SLC39A12: variants seen among roughly 807,000 people sequenced by gnomAD.
SLC39A12 encodes solute carrier family 39 member 12.
Under a neutral mutation model 71.1 loss-of-function variants are expected in SLC39A12, and 63 were observed. That is an observed-to-expected ratio of 0.89 (90% CI 0.72 to 1.09). The LOEUF is 1.09. Among genes scored for constraint, SLC39A12 ranks in the 50% least tolerant of loss-of-function variants. The probability of loss-of-function intolerance (pLI) is 0.00; values close to 1 mark genes in which losing one functional copy is unlikely to be tolerated. For synonymous variants in SLC39A12, 351 were observed against 301.3 expected (o/e 1.16, Z -1.71); for missense variants, 892 against 812.6 (o/e 1.10, Z -1.19).
At chr10:17,984,472 A>G (rs1352093740) in intron 6 of SLC39A12, among the ~76,000 whole-genome samples, 1 of 152,234 alleles carries the variant, frequency 6.6e-6, no homozygotes, top group African/African-American at 2.4e-5. Flanking sequence ...TACCACTTCT[A>G]AAATGGGACA....
At chr10:17,972,814 G>A (rs969604352) in intron 4 of SLC39A12, among the ~76,000 whole-genome samples, 2 of 151,794 alleles carry the variant, frequency 1.3e-5, no homozygotes, top group Non-Finnish European at 2.9e-5. Flanking sequence ...CTTTTGATTG[G>A]AGAGTTTAGT....
rs1835257567 is a variant in SLC39A12, at chr10:17,981,499, T to C, written c.1096+16T>C. The C allele has an allele frequency of 1.9e-6, 3 of 1,591,290 alleles. No homozygotes were observed. The highest frequency in any genetic ancestry group is 1.3e-5 in the African/African-American group (1 of 74,334). ...ACTCTGGAGAGTAAGTTCTGGATCTTCCTTCAGAAAGCTGATGTGCACAAT... is the reference window on the plus strand; with the variant it reads ...ACTCTGGAGAGTAAGTTCTGGATCTCCCTTCAGAAAGCTGATGTGCACAAT... On this transcript the variant is annotated intron_variant, in intron 6 of 12. Transcript: ENST00000377369.
intron 2 of SLC39A12, among the ~76,000 whole-genome samples, chr10:17,960,854 T>C (rs1273786302): frequency 6.6e-6 from 1 of 152,218 alleles, no homozygotes; most frequent in African/African-American, 2.4e-5. Flanking sequence ...TATCTTAATT[T>C]TTAAAAATTT....
chr10:17,976,609 G>A (rs1812269030), intron 4 of SLC39A12, among the ~76,000 whole-genome samples: 2 of 152,046 alleles, frequency 1.3e-5, no homozygotes, highest in African/African-American at 4.8e-5. Context: ...TTTTTTTGTA[G>A]AGAAGTGGTT....
At chr10:18,022,277 A>G (rs1836553855) in intron 12 of SLC39A12, among the ~76,000 whole-genome samples, 1 of 151,170 alleles carries the variant, frequency 6.6e-6, no homozygotes, top group Admixed American at 6.6e-5. Context: ...CATAGATTTT[A>G]TCTCTTTACA....
intron 12 of SLC39A12, among the ~76,000 whole-genome samples, chr10:18,033,091 G>T (rs1329974553): frequency 1.3e-5 from 2 of 148,934 alleles, no homozygotes; most frequent in African/African-American, 5.0e-5. Flanking sequence ...TGTTCATCAA[G>T]GATATTGGTC....
chr10:18,042,278 G>A (rs1449431114), intron 12 of SLC39A12, among the ~76,000 whole-genome samples: 2 of 151,928 alleles, frequency 1.3e-5, no homozygotes, highest in African/African-American at 4.8e-5. Context: ...AGGAGCTTGA[G>A]ACCTGCCTGG....
At chr10:17,961,904 C>G (rs782403101) in intron 3 of SLC39A12, 42 bp downstream of exon 3, 140 of 1,572,942 alleles carry the variant, frequency 8.9e-5, no homozygotes, top group Non-Finnish European at 1.2e-4. Flanking sequence ...TGCTAAGATA[C>G]AGTTCTAGAG....
rs939624440 is a variant in SLC39A12 at position 18,013,091 on chromosome 10, G to C, written c.1947+9733G>C. ...ATAGGTTCTTAGATCTAACCTAAATGGTGCTTTATTAAAAATATTGTAATA... is the reference window on the plus strand; with the variant it reads ...ATAGGTTCTTAGATCTAACCTAAATCGTGCTTTATTAAAAATATTGTAATA... On this transcript the variant is annotated intron_variant, in intron 12 of 12. Coordinates refer to ENST00000377369, the MANE Select transcript of SLC39A12 (RefSeq NM_001145195.2). Among the ~76,000 whole-genome samples, 7 of 151,338 alleles carry C rather than the reference G, an allele frequency of 4.6e-5. No homozygotes were observed. The East Asian group carries it at 1.4e-3, about 29-fold the overall frequency.
At chr10:17,972,130 G>A (rs939660130) in intron 4 of SLC39A12, among the ~76,000 whole-genome samples, 1 of 152,090 alleles carries the variant, frequency 6.6e-6, no homozygotes, top group African/African-American at 2.4e-5. Context: ...CCATATATTT[G>A]CATAGTTTTC....
rs1264738124 is a variant in SLC39A12, at chr10:17,981,442, C to G, written c.1055C>G (p.Pro352Arg). 1 of 1,613,666 alleles carries G rather than the reference C, an allele frequency of 6.2e-7. No homozygotes were observed. Among genetic ancestry groups the G allele is most frequent in the Non-Finnish European group, 8.5e-7 (1 of 1,179,738 alleles). Reference sequence around the variant, plus strand: ...CTCCTCAGCTGCTCCTGCCACTTACCCAAGGACCAACAAGCAAAGCTGCCA... The same window carrying G: ...CTCCTCAGCTGCTCCTGCCACTTACGCAAGGACCAACAAGCAAAGCTGCCA... The part of the protein sequence containing the change: ...QQLLSCSCHL[P>R]KDQQAKLPPT... The change falls in exon 6 of 13, where the codon CCC becomes CGC. Residue 352 changes from proline (P) to arginine (R), a missense_variant. Transcript: ENST00000377369.
At chr10:17,982,833 C>T (rs1228760313) in intron 6 of SLC39A12, among the ~76,000 whole-genome samples, 4 of 152,120 alleles carry the variant, frequency 2.6e-5, no homozygotes, top group Non-Finnish European at 5.9e-5. Flanking sequence ...CTCGAATGAA[C>T]TTCTAGACAC....
Position 18,042,564 on chromosome 10 carries a change from G to C in SLC39A12, c.1948-141G>C, listed in dbSNP as rs1589266018. ...TACATTTCAAAGACATGGTAGAGTA[G>C]GTATTCAGCATTTTGTAACTGTTTT... On this transcript the variant is annotated intron_variant, in intron 12 of 12. Coordinates refer to ENST00000377369, the MANE Select transcript of SLC39A12 (RefSeq NM_001145195.2). 5 of 668,860 alleles carry C rather than the reference G, an allele frequency of 7.5e-6. No individual in the cohort carries two copies. The East Asian group carries it at 1.7e-4, about 23-fold the overall frequency. 41.4% of individuals were successfully genotyped at this position (668,860 alleles called of 1,614,324 possible).
intron 7 of SLC39A12, among the ~76,000 whole-genome samples, chr10:17,989,255 C>G: frequency 6.6e-6 from 1 of 152,260 alleles, no homozygotes; most frequent in Non-Finnish European, 1.5e-5. Flanking sequence ...TGCAGGGTCA[C>G]TCTTGTTGCT....
chr10:17,970,122 T>C (rs1001358575), intron 4 of SLC39A12, among the ~76,000 whole-genome samples: 4 of 152,150 alleles, frequency 2.6e-5, no homozygotes, highest in Non-Finnish European at 2.9e-5. Flanking sequence ...GTTGCTGGGT[T>C]CTTTATTGTG....
chr10:17,975,445 G>A (rs1835085148), intron 4 of SLC39A12, among the ~76,000 whole-genome samples: 1 of 152,128 alleles, frequency 6.6e-6, no homozygotes, highest in Admixed American at 6.5e-5. Context: ...CTGGCCCAGG[G>A]CATGTCTAGA....
chr10:17,959,715 G>A (rs144200313), intron 2 of SLC39A12, among the ~76,000 whole-genome samples: 37 of 152,250 alleles, frequency 2.4e-4, no homozygotes, highest in Admixed American at 5.9e-4. Context: ...CCCTCTTGCT[G>A]AGAAAGCTTC....
At chr10:17,966,512 A>T (rs998676921) in intron 4 of SLC39A12, among the ~76,000 whole-genome samples, 1 of 151,858 alleles carries the variant, frequency 6.6e-6, no homozygotes, top group Non-Finnish European at 1.5e-5. Flanking sequence ...GGGTCTCACT[A>T]TGTTGCCCAG....
chr10:18,005,342 C>G (rs917457648), intron 12 of SLC39A12: 1 of 152,158 alleles, frequency 6.6e-6, no homozygotes, highest in Non-Finnish European at 1.5e-5. Context: ...TTTGTTGTGA[C>G]TTTGAAACCA....
Sources: gnomAD v4.1 joint callset for allele counts (sites outside exome capture counted in the v4.1 genomes callset) on GRCh38, gnomAD v4.1.1 for gene constraint, MANE v1.5 for transcripts, NCBI Gene and HGNC (gene_info 2026-07-23, HGNC 2026-07-21) for gene names.